The following VPS13B variants were observed in gnomAD, a reference collection of about 807,000 sequenced individuals.
VPS13B encodes the protein intermembrane lipid transfer protein VPS13B.
A neutral mutation model predicts 426.4 loss-of-function variants in VPS13B; 285 were observed. The observed-to-expected ratio is 0.67, with a 90% CI of 0.61 to 0.74. VPS13B has a LOEUF of 0.74. Among genes scored for constraint, VPS13B ranks in the 30% least tolerant of loss-of-function variants. The pLI, the probability that VPS13B is intolerant of heterozygous loss-of-function variation, is 0.00. For synonymous variants in VPS13B, 1,676 were observed against 1,676.4 expected (o/e 1.00, Z 0.01); for missense variants, 4,537 against 4,782.6 (o/e 0.95, Z 1.51).
At chr8:99,817,247 C>G (rs546777677) in intron 44 of VPS13B, among the ~76,000 whole-genome samples, 1 of 151,806 alleles carries the variant, frequency 6.6e-6, no homozygotes, top group Non-Finnish European at 1.5e-5. Flanking sequence ...CAAGGCTCTT[C>G]TTTCACTAAT....
chr8:99,787,129 A>G (rs921398485), intron 43 of VPS13B, among the ~76,000 whole-genome samples: 5 of 152,182 alleles, frequency 3.3e-5, no homozygotes, highest in African/African-American at 1.2e-4. Context: ...GAGGATTTCT[A>G]AAGTTCACGG....
At chr8:99,050,081 C>G (rs760015900) in intron 3 of VPS13B, among the ~76,000 whole-genome samples, 1 of 151,648 alleles carries the variant, frequency 6.6e-6, no homozygotes, top group Non-Finnish European at 1.5e-5. Context: ...ACGTGCACAA[C>G]GTGCAGGTTA....
chr8:99,526,631 A>G (rs1822658877), intron 30 of VPS13B, among the ~76,000 whole-genome samples: 1 of 152,192 alleles, frequency 6.6e-6, no homozygotes, highest in African/African-American at 2.4e-5. Flanking sequence ...TGAAGAAGGA[A>G]AACCGTAGGA....
At chr8:99,665,661 C>T (rs1332916349) in intron 35 of VPS13B, among the ~76,000 whole-genome samples, 2 of 152,110 alleles carry the variant, frequency 1.3e-5, no homozygotes, top group Non-Finnish European at 2.9e-5. Context: ...GGGCTCTGTT[C>T]TGTTCCATTG....
chr8:99,772,221 T>TA (rs1811535195), intron 40 of VPS13B, among the ~76,000 whole-genome samples: 1 of 151,318 alleles, frequency 6.6e-6, no homozygotes, highest in East Asian at 1.9e-4. Context: ...TTTTTTTTTT[T>TA]AAGTTAGATT....
intron 17 of VPS13B, among the ~76,000 whole-genome samples, chr8:99,220,798 T>C (rs1391300719): frequency 2.8e-5 from 4 of 145,030 alleles, no homozygotes; most frequent in African/African-American, 1.0e-4. Flanking sequence ...TTTTTTTTTT[T>C]TTATTATACT....
At chr8:99,817,852 T>G (rs562423157) in intron 45 of VPS13B, 49 bp downstream of exon 45, 1 of 1,613,576 alleles carries the variant, frequency 6.2e-7, no homozygotes, top group African/African-American at 1.3e-5. Flanking sequence ...CCATTGAAAT[T>G]TTCTCAAAAT....
At chr8:99,058,005 C>T (rs1174608214) in intron 3 of VPS13B, among the ~76,000 whole-genome samples, 1 of 152,154 alleles carries the variant, frequency 6.6e-6, no homozygotes, top group Non-Finnish European at 1.5e-5. Flanking sequence ...TTATGTGCAA[C>T]TCATAAGAAA....
chr8:99,063,403 A>G (rs1216990957), intron 3 of VPS13B, among the ~76,000 whole-genome samples: 1 of 152,260 alleles, frequency 6.6e-6, no homozygotes, highest in Non-Finnish European at 1.5e-5. Flanking sequence ...AGCAAACGGC[A>G]TACCAGGAGA....
rs189060374 is a variant in VPS13B at position 99,680,205 on chromosome 8, A to G, written c.6046+18714A>G. ...TTTTTGGTAATAGATTTCATAATAC[A>G]TCATAAATGTAAGTAATATGATGAC... On this transcript the variant is annotated intron_variant, in intron 35 of 61. Coordinates refer to ENST00000357162, the MANE Select transcript of VPS13B (RefSeq NM_152564.5). Among the ~76,000 whole-genome samples, 55 of 152,332 alleles carry G rather than the reference A, an allele frequency of 3.6e-4. No individual in the cohort carries two copies. The Middle Eastern group carries it at 0.01, about 28-fold the overall frequency.
At chr8:99,808,513 A>AAAAAAC in intron 43 of VPS13B, among the ~76,000 whole-genome samples, 1 of 151,624 alleles carries the variant, frequency 6.6e-6, no homozygotes, top group Non-Finnish European at 1.5e-5. Flanking sequence ...AGACTCAAAA[A>AAAAAAC]AAAAAAAAAA....
At chr8:99,291,577 T>C (rs554906010) in intron 19 of VPS13B, among the ~76,000 whole-genome samples, 2 of 152,246 alleles carry the variant, frequency 1.3e-5, no homozygotes, top group East Asian at 1.9e-4. Flanking sequence ...GGTCAAGTAG[T>C]CTATATACAC....
At chr8:99,308,227 C>T (rs571661877) in intron 19 of VPS13B, among the ~76,000 whole-genome samples, 155 of 151,430 alleles carry the variant, frequency 1.0e-3, no homozygotes, top group Middle Eastern at 3.4e-3. Context: ...ATGTGCACAA[C>T]GTGCAGGTTA....
At chr8:99,372,128 G>A (rs1386571661) in intron 19 of VPS13B, among the ~76,000 whole-genome samples, 1 of 151,644 alleles carries the variant, frequency 6.6e-6, no homozygotes, top group Admixed American at 6.6e-5. Flanking sequence ...GCGGGCGCCT[G>A]TAGTCCCAGC....
rs187636510 is a variant in VPS13B at position 99,099,987 on chromosome 8, G to A, written c.413-2966G>A. Reference sequence around the variant, plus strand: ...TTTCAGATGCGTGTGGAGTAGACCCGGATGATGAACAAATATACTCCCAGG... The same window carrying A: ...TTTCAGATGCGTGTGGAGTAGACCCAGATGATGAACAAATATACTCCCAGG... On this transcript the variant is annotated intron_variant, in intron 4 of 61. Coordinates refer to ENST00000357162, the MANE Select transcript of VPS13B (RefSeq NM_152564.5). 4.6e-5 allele frequency among the ~76,000 whole-genome samples: 7 copies of A among 152,178 alleles called. No individual in the cohort carries two copies. In the East Asian group the frequency reaches 9.6e-4, roughly 21 times the overall value.
At position 99,766,874 on chromosome 8, in the gene VPS13B, C is replaced by G. The variant is rs183874686; in HGVS notation, c.7151C>G (p.Pro2384Arg). 9 of 1,613,894 alleles carry G rather than the reference C, an allele frequency of 5.6e-6. No homozygotes were observed. The highest frequency in any genetic ancestry group is 7.6e-6 in the Non-Finnish European group (9 of 1,179,950). The change falls in exon 40 of 62, where the codon CCG becomes CGG. Residue 2384 changes from proline to arginine, a missense_variant. By Grantham distance (103) the Pro-to-Arg change is moderately radical. Around this residue, in one of 2 missense-constraint regions of VPS13B, gnomAD observed 4,311 missense variants for 4,474.3 expected, o/e 0.96. Coordinates refer to ENST00000357162, the MANE Select transcript of VPS13B (RefSeq NM_152564.5). ...AGCAAAGTTTGTGAACTGCAGTTGCCGGATATCAATCTCGTGAATGACCAG... is the reference window on the plus strand; with the variant it reads ...AGCAAAGTTTGTGAACTGCAGTTGCGGGATATCAATCTCGTGAATGACCAG... ...SESKVCELQL[P>R]DINLVNDQKK...
Position 99,684,639 on chromosome 8 carries a change from T to C in VPS13B, c.6047-14886T>C, listed in dbSNP as rs185217754. ...CCATATACTTTTCAAAATTCTCAAA[T>C]AGCTGCTCTGTGTAGGTTTTATAGC... On this transcript the variant is annotated intron_variant, in intron 35 of 61. Coordinates refer to ENST00000357162, the MANE Select transcript of VPS13B (RefSeq NM_152564.5). Among the ~76,000 whole-genome samples the C allele has an allele frequency of 2.5e-4, 38 of 152,350 alleles. 1 individual carries two copies. The East Asian group carries it at 5.6e-3, about 22-fold the overall frequency.
chr8:99,449,026 G>A (rs1035117318), intron 23 of VPS13B, among the ~76,000 whole-genome samples: 1 of 152,080 alleles, frequency 6.6e-6, no homozygotes, highest in Non-Finnish European at 1.5e-5. Context: ...AGGATGGATT[G>A]GGGGTAATTG....
intron 33 of VPS13B, among the ~76,000 whole-genome samples, chr8:99,599,737 C>T (rs1240788044): frequency 2.0e-5 from 3 of 152,078 alleles, no homozygotes; most frequent in Non-Finnish European, 4.4e-5. Context: ...TTTTCCACAG[C>T]AAATGACTTA....
Sources: gnomAD v4.1 joint callset for allele counts (sites outside exome capture counted in the v4.1 genomes callset) on GRCh38, gnomAD v4.1.1 for gene constraint, gnomAD v4.1.1 regional missense constraint, MANE v1.5 for transcripts, NCBI Gene and HGNC (gene_info 2026-07-23, HGNC 2026-07-21) for gene names.